FMNL2: variants seen among roughly 807,000 people sequenced by gnomAD.
The protein encoded by FMNL2 is formin-like protein 2.
Under a neutral mutation model 130.2 loss-of-function variants are expected in FMNL2, and 51 were observed. The observed-to-expected ratio is 0.39, with a 90% CI of 0.31 to 0.49. The LOEUF (loss-of-function observed/expected upper bound fraction) is 0.49, where lower values mean the gene tolerates loss of function less well. FMNL2 is among the 20% of genes least tolerant of loss of function. The pLI is 0.85. For synonymous variants in FMNL2, 465 were observed against 467.1 expected (o/e 1.00, Z 0.06); for missense variants, 977 against 1,316.2 (o/e 0.74, Z 3.99).
chr2:152,507,369 A>G (rs1692230839), intron 1 of FMNL2, among the ~76,000 whole-genome samples: 1 of 152,214 alleles, frequency 6.6e-6, no homozygotes, highest in African/African-American at 2.4e-5. Context: ...TCTTTGAATT[A>G]GGTTGTATCA....
intron 1 of FMNL2, among the ~76,000 whole-genome samples, chr2:152,427,490 A>G (rs1324627118): frequency 6.6e-6 from 1 of 152,166 alleles, no homozygotes; most frequent in Non-Finnish European, 1.5e-5. Context: ...GGTTGCAGTG[A>G]GTTGAGATCA....
intron 1 of FMNL2, among the ~76,000 whole-genome samples, chr2:152,408,106 TC>T (rs1686091360): frequency 6.6e-6 from 1 of 152,176 alleles, no homozygotes; most frequent in Admixed American, 6.5e-5. Context: ...TTAGTGTTGT[TC>T]CCAGCTCAGA....
chr2:152,367,546 T>G (rs1683630150), intron 1 of FMNL2, among the ~76,000 whole-genome samples: 1 of 152,192 alleles, frequency 6.6e-6, no homozygotes, highest in Non-Finnish European at 1.5e-5. Flanking sequence ...ACTTAGATAA[T>G]TTCTTGGATC....
At chr2:152,577,099 CT>C (rs1696520302) in intron 7 of FMNL2, among the ~76,000 whole-genome samples, 1 of 152,094 alleles carries the variant, frequency 6.6e-6, no homozygotes, top group Non-Finnish European at 1.5e-5. Context: ...ATTTAGGAGG[CT>C]TTTAGCAGTA....
Position 152,412,444 on chromosome 2 carries a change from TTTTATATA to T in FMNL2, c.117+76726_117+76733del, listed in dbSNP as rs1454862545. 1.2e-3 allele frequency among the ~76,000 whole-genome samples: 126 copies of T among 103,358 alleles called. 1 individual carries two copies. Among genetic ancestry groups the T allele is most frequent in the South Asian group, 8.3e-3 (23 of 2,756 alleles). The allele number at this position is 103,358 out of a possible 152,430, so 67.8% of individuals were successfully genotyped here. A position where few individuals can be genotyped will look rare whatever the true frequency, so the allele number is the denominator to read the frequency against. On this transcript the variant is annotated intron_variant, in intron 1 of 25. Coordinates refer to ENST00000288670, the MANE Select transcript of FMNL2 (RefSeq NM_052905.4). ...ATTTCCTCTTACTTTCTTCTGTATA[TTTTATATA>T]TATATATATATATATATATATATAT...
At chr2:152,607,016 T>TTTTTTTTTTTTTTTTTTTTTTTTTTTTG (rs1559003213) in intron 9 of FMNL2, among the ~76,000 whole-genome samples, 1 of 141,376 alleles carries the variant, frequency 7.1e-6, no homozygotes, top group Non-Finnish European at 1.5e-5. Context: ...GTTTTTTTTT[T>TTTTTTTTTTTTTTTTTTTTTTTTTTTTG]TTTTTTTTAC....
intron 9 of FMNL2, among the ~76,000 whole-genome samples, chr2:152,590,117 C>T (rs948093773): frequency 6.7e-6 from 1 of 150,160 alleles, no homozygotes; most frequent in South Asian, 2.1e-4. Flanking sequence ...AACTCCTGGC[C>T]TTAAGCAGTC....
intron 3 of FMNL2, among the ~76,000 whole-genome samples, chr2:152,546,595 C>T (rs1288747915): frequency 6.6e-6 from 1 of 151,990 alleles, no homozygotes; most frequent in Non-Finnish European, 1.5e-5. Flanking sequence ...TATCAGGGGC[C>T]CAGCAGAAGC....
chr2:152,384,340 G>T (rs984754027), intron 1 of FMNL2, among the ~76,000 whole-genome samples: 20 of 152,192 alleles, frequency 1.3e-4, no homozygotes, highest in African/African-American at 4.8e-4. Context: ...TCACTCCAGA[G>T]TCTGGATTAC....
intron 1 of FMNL2, among the ~76,000 whole-genome samples, chr2:152,436,684 G>A (rs1293666584): frequency 6.6e-6 from 1 of 152,154 alleles, no homozygotes; most frequent in Non-Finnish European, 1.5e-5. Context: ...GCCTGGAAGT[G>A]ACGTATATCA....
chr2:152,474,737 C>T (rs986659055), intron 1 of FMNL2, among the ~76,000 whole-genome samples: 1 of 152,008 alleles, frequency 6.6e-6, no homozygotes, highest in Non-Finnish European at 1.5e-5. Flanking sequence ...ATTTCACGTA[C>T]CTGTTTAGAC....
intron 1 of FMNL2, among the ~76,000 whole-genome samples, chr2:152,380,734 TATACACCC>T (rs1417208829): frequency 1.1e-4 from 16 of 152,252 alleles, no homozygotes; most frequent in Admixed American, 3.3e-4. Flanking sequence ...TTTCCTGCTC[TATACACCC>T]AGTATAGTTG....
intron 1 of FMNL2, among the ~76,000 whole-genome samples, chr2:152,435,705 G>T: frequency 6.6e-6 from 1 of 152,194 alleles, no homozygotes; most frequent in East Asian, 1.9e-4. Context: ...TTTGTTCAAG[G>T]TGGGATTGAC....
chr2:152,364,852 A>C (rs538611665), intron 1 of FMNL2, among the ~76,000 whole-genome samples: 1 of 152,374 alleles, frequency 6.6e-6, no homozygotes, highest in Non-Finnish European at 1.5e-5. Context: ...TGAGAGATTG[A>C]GAGGTCCTGT....
chr2:152,434,795 C>T (rs765345492), intron 1 of FMNL2, among the ~76,000 whole-genome samples: 19 of 152,058 alleles, frequency 1.2e-4, no homozygotes, highest in Non-Finnish European at 2.2e-4. Flanking sequence ...GAAGCTTAAG[C>T]TACTTATTCA....
At chr2:152,561,402 T>C (rs1474568161) in intron 6 of FMNL2, among the ~76,000 whole-genome samples, 3 of 152,094 alleles carry the variant, frequency 2.0e-5, no homozygotes, top group Non-Finnish European at 4.4e-5. Context: ...CTGGGATCTC[T>C]GCCCTTTGTT....
At chr2:152,443,596 A>G (rs1230137903) in intron 1 of FMNL2, among the ~76,000 whole-genome samples, 1 of 151,866 alleles carries the variant, frequency 6.6e-6, no homozygotes, top group African/African-American at 2.4e-5. Flanking sequence ...TAATCCTAGC[A>G]CTCTGGGAGG....
intron 6 of FMNL2, among the ~76,000 whole-genome samples, chr2:152,569,097 C>T (rs1696021835): frequency 8.3e-6 from 1 of 120,696 alleles, no homozygotes; most frequent in African/African-American, 3.4e-5. Flanking sequence ...TGTAGCTTCC[C>T]CCCCCGCCCC....
chr2:152,524,604 A>G (rs1240725870), intron 2 of FMNL2, among the ~76,000 whole-genome samples: 1 of 152,214 alleles, frequency 6.6e-6, no homozygotes, highest in Non-Finnish European at 1.5e-5. Flanking sequence ...TAGAAATGTC[A>G]GGTTTCTTTG....
Sources: allele counts gnomAD v4.1 joint callset (sites outside exome capture counted in the v4.1 genomes callset), GRCh38; gene constraint gnomAD v4.1.1; transcripts MANE v1.5; gene names NCBI Gene and HGNC (gene_info 2026-07-23, HGNC 2026-07-21).